Variants in RUFY2 observed in about 807,000 individuals in gnomAD.
RUFY2 encodes RUN and FYVE domain containing 2.
A neutral mutation model predicts 94.4 loss-of-function variants in RUFY2; 49 were observed. The observed-to-expected ratio is 0.52, with a 90% CI of 0.41 to 0.66. The LOEUF (loss-of-function observed/expected upper bound fraction) is 0.66. Ranked by LOEUF, RUFY2 falls within the 30% of genes least tolerant of loss-of-function variation. The pLI is 0.00. For missense variants in RUFY2, 541 were observed against 692.8 expected (o/e 0.78, Z 2.46); for synonymous variants, 255 against 235.7 (o/e 1.08, Z -0.75).
intron 7 of RUFY2, among the ~76,000 whole-genome samples, chr10:68,392,335 T>G (rs2050062702): frequency 6.6e-6 from 1 of 152,078 alleles, no homozygotes; most frequent in Non-Finnish European, 1.5e-5. Flanking sequence ...TGGCCACATC[T>G]CATATATTTC....
chr10:68,378,153 C>T, intron 12 of RUFY2: 4 of 986,786 alleles, frequency 4.1e-6, no homozygotes, highest in Non-Finnish European at 4.8e-6. Flanking sequence ...TATTTTAAAG[C>T]ATATGTAAAA....
chr10:68,341,534 T>C, downstream of RUFY2: 1 of 1,286,866 alleles, frequency 7.8e-7, no homozygotes, highest in Non-Finnish European at 1.1e-6. Flanking sequence ...TATTGATGAA[T>C]TTTATCCATC....
At position 68,396,887 on chromosome 10, in the gene RUFY2, G is replaced by C. The variant is rs766320839; in HGVS notation, c.297-6C>G. ...TTGCTCGACCCAGAGGGGTCCTAAA[G>C]AGAAGAACCAATTGATCAGAAAACA... On this transcript the variant is annotated splice_region_variant and splice_polypyrimidine_tract_variant and intron_variant, in intron 3 of 17. Coordinates refer to ENST00000602465, the MANE Select transcript of RUFY2 (RefSeq NM_001330103.2). 6.2e-7 allele frequency: 1 copy of C among 1,605,060 alleles called. No homozygotes were observed. The highest frequency in any genetic ancestry group is 1.7e-5 in the Admixed American group (1 of 59,484).
In RUFY2 at chr10:68,407,174, C is replaced by G; in HGVS notation, c.4+12G>C. ...GAGGGCCTAGCGTTCGGTTTCGGCC[C>G]GCTCGCCTTACCCATGGCGGCGGCG... On this transcript the variant is annotated intron_variant, in intron 1 of 17. Coordinates refer to ENST00000602465, the MANE Select transcript of RUFY2 (RefSeq NM_001330103.2). The G allele has an allele frequency of 1.4e-6, 2 of 1,453,762 alleles. No homozygotes were observed. The highest frequency in any genetic ancestry group is 1.8e-6 in the Non-Finnish European group (2 of 1,115,852). The allele number at this position is 1,453,762 out of a possible 1,614,324, so 90.1% of individuals were successfully genotyped here.
At chr10:68,392,710 C>A (rs958966245) in intron 7 of RUFY2, among the ~76,000 whole-genome samples, 1 of 149,196 alleles carries the variant, frequency 6.7e-6, no homozygotes, top group Non-Finnish European at 1.5e-5. Context: ...ATCACAGGGT[C>A]AGGAGATTGA....
At chr10:68,371,343 A>T (rs1002718989) in intron 13 of RUFY2, among the ~76,000 whole-genome samples, 1 of 151,998 alleles carries the variant, frequency 6.6e-6, no homozygotes, top group Admixed American at 6.6e-5. Context: ...AATCGCTTGA[A>T]TCCAGGTGGC....
At position 68,345,959 on chromosome 10, in the gene RUFY2, A is replaced by T. The variant is rs529047037; in HGVS notation, c.1677+48T>A. 10 of 1,612,050 alleles carry T rather than the reference A, an allele frequency of 6.2e-6. No individual in the cohort carries two copies. In the East Asian group the frequency reaches 2.2e-4, roughly 36 times the overall value. On this transcript the variant is annotated intron_variant, in intron 17 of 17. Transcript: ENST00000602465. Reference sequence around the variant, plus strand: ...GGAAAAAAACACTTTAAATAAAATTAGCATTTTTGCACTCCAAATTTTTGG... The same window carrying T: ...GGAAAAAAACACTTTAAATAAAATTTGCATTTTTGCACTCCAAATTTTTGG...
chr10:68,347,304 AAAG>A (rs2046352947), intron 16 of RUFY2, among the ~76,000 whole-genome samples: 1 of 140,144 alleles, frequency 7.1e-6, no homozygotes, highest in Non-Finnish European at 1.5e-5. Context: ...TTTTTTTTGA[AAAG>A]AGAGTCTCAC....
chr10:68,397,602 A>AAAAATT (rs10628995), intron 3 of RUFY2, among the ~76,000 whole-genome samples: 16,237 of 151,338 alleles, frequency 0.11, 1,064 homozygotes, highest in South Asian at 0.24. Context: ...TAAAAATAAA[A>AAAAATT]AAAATTAAAA....
intron 16 of RUFY2, among the ~76,000 whole-genome samples, chr10:68,347,105 G>A (rs776410512): frequency 1.3e-5 from 2 of 151,908 alleles, no homozygotes; most frequent in Non-Finnish European, 2.9e-5. Flanking sequence ...TCGAGCCTGA[G>A]CAAGAGTGAG....
At chr10:68,348,185 A>ATTT (rs375494025) in intron 16 of RUFY2, among the ~76,000 whole-genome samples, 16 of 143,428 alleles carry the variant, frequency 1.1e-4, no homozygotes, top group African/African-American at 4.1e-4. Context: ...GAATCATAGA[A>ATTT]TTTTTTTTTT....
chr10:68,388,617 G>C (rs1252479915), intron 7 of RUFY2, among the ~76,000 whole-genome samples: 1 of 151,794 alleles, frequency 6.6e-6, no homozygotes, highest in African/African-American at 2.4e-5. Flanking sequence ...TGGGTGGATG[G>C]CCTAGCTCAG....
At chr10:68,376,470 ATATATATATATATATATATATT>A (rs1564816209) in intron 13 of RUFY2, among the ~76,000 whole-genome samples, 1 of 38,138 alleles carries the variant, frequency 2.6e-5, no homozygotes, top group Non-Finnish European at 5.5e-5. Flanking sequence ...ATATATATAT[ATATATATATATATATATATATT>A]CTCAGAAAAC....
At chr10:68,388,272 G>A (rs951969093) in intron 7 of RUFY2, among the ~76,000 whole-genome samples, 1 of 151,940 alleles carries the variant, frequency 6.6e-6, no homozygotes, top group African/African-American at 2.4e-5. Flanking sequence ...AGACCAGCCT[G>A]ACCAACATGG....
chr10:68,379,439 C>T lies in RUFY2; in HGVS notation c.1190G>A (p.Arg397Lys). Residue 397 changes from arginine to lysine, a missense_variant, in exon 12 of 18, where the codon AGG (arginine) becomes AAG (lysine). By Grantham distance (26) the Arg-to-Lys change is conservative. Transcript: ENST00000602465. ...AATGCTGTACCTTTGTTCCAGCTGCCTCATGGCTGCAGTAATTTTATTGGT... is the reference window on the plus strand; with the variant it reads ...AATGCTGTACCTTTGTTCCAGCTGCTTCATGGCTGCAGTAATTTTATTGGT... ...EKTNKITAAM[R>K]QLEQRLQQAE... 6.2e-7 allele frequency: 1 copy of T among 1,609,002 alleles called. No homozygotes were observed. Among genetic ancestry groups the T allele is most frequent in the Non-Finnish European group, 8.5e-7 (1 of 1,178,274 alleles).
At chr10:68,372,111 C>T (rs1363041325) in intron 13 of RUFY2, among the ~76,000 whole-genome samples, 2 of 152,046 alleles carry the variant, frequency 1.3e-5, no homozygotes, top group African/African-American at 4.8e-5. Flanking sequence ...GACCTCATTT[C>T]TAAAAAAAAA....
chr10:68,346,019 G>A lies in RUFY2; in HGVS notation c.1665C>T (p.Leu555=), dbSNP rs1362330358. 3.1e-6 allele frequency: 5 copies of A among 1,613,700 alleles called. No individual in the cohort carries two copies. The highest frequency in any genetic ancestry group is 3.3e-4 in the Middle Eastern group (2 of 6,062). ...TTATCTCCCTTACCTTTCTCTTAGA[G>A]AGTGAGAATTCCTTTTCACAAAGTT... ...HCKLCEKEFS[L]SKRKHHCRNC... is the part of the protein sequence containing the mutation. Residue 555 remains leucine, a synonymous_variant, in exon 17 of 18, where the codon CTC becomes CTT. Transcript: ENST00000602465.
At chr10:68,372,882 T>G (rs189419688) in intron 13 of RUFY2, among the ~76,000 whole-genome samples, 30 of 151,456 alleles carry the variant, frequency 2.0e-4, no homozygotes, top group Non-Finnish European at 2.9e-5. Flanking sequence ...CACTCCAGCC[T>G]GGGTGACACA....
chr10:68,371,182 A>G (rs975697684), intron 13 of RUFY2, among the ~76,000 whole-genome samples: 1 of 150,616 alleles, frequency 6.6e-6, no homozygotes, highest in Non-Finnish European at 1.5e-5. Flanking sequence ...CTGTAATCCC[A>G]TCACTTCGGG....
Sources: gnomAD v4.1 joint callset for allele counts (sites outside exome capture counted in the v4.1 genomes callset) on GRCh38, gnomAD v4.1.1 for gene constraint, MANE v1.5 for transcripts, NCBI Gene and HGNC (gene_info 2026-07-23, HGNC 2026-07-21) for gene names.